Variants in ESR2 observed in about 807,000 individuals in gnomAD.
ESR2 encodes estrogen receptor beta.
ESR2 carries 36 observed loss-of-function variants against 49.6 expected under a neutral mutation model. The observed-to-expected ratio is 0.73, with a 90% CI of 0.56 to 0.96. The LOEUF (loss-of-function observed/expected upper bound fraction) is 0.96, where lower values mean the gene tolerates loss of function less well. Among genes scored for constraint, ESR2 ranks in the 40% least tolerant of loss-of-function variants. The pLI, the probability that ESR2 is intolerant of heterozygous loss-of-function variation, is 0.00. For missense variants in ESR2, 714 were observed against 693.0 expected (o/e 1.03, Z -0.34); for synonymous variants, 320 against 266.1 (o/e 1.20, Z -1.97).
At chr14:64,324,221 T>G (rs2077362641) in intron 1 of ESR2, among the ~76,000 whole-genome samples, 1 of 152,162 alleles carries the variant, frequency 6.6e-6, no homozygotes, top group African/African-American at 2.4e-5. Context: ...GTTATGTAAC[T>G]TACAAGAAGA....
chr14:64,263,869 G>C (rs1249438997), intron 4 of ESR2, among the ~76,000 whole-genome samples: 1 of 152,060 alleles, frequency 6.6e-6, no homozygotes, highest in Non-Finnish European at 1.5e-5. Flanking sequence ...TAGATATTTT[G>C]CAAAAATTAT....
intron 5 of ESR2, among the ~76,000 whole-genome samples, chr14:64,258,141 C>A (rs147654134): frequency 6.6e-6 from 1 of 151,888 alleles, no homozygotes; most frequent in African/African-American, 2.4e-5. Context: ...CCCAGGAGGT[C>A]GAGGCTGTAG....
At chr14:64,248,700 A>AG (rs2075920921) in intron 7 of ESR2, among the ~76,000 whole-genome samples, 2 of 152,126 alleles carry the variant, frequency 1.3e-5, no homozygotes, top group African/African-American at 4.8e-5. Flanking sequence ...TGCATATCCT[A>AG]GACACCTTAT....
chr14:64,300,939 G>A (rs1250810209), intron 1 of ESR2, among the ~76,000 whole-genome samples: 1 of 151,204 alleles, frequency 6.6e-6, no homozygotes, highest in East Asian at 1.9e-4. Flanking sequence ...CAGATGATGA[G>A]GAGGAGGCTA....
rs574784618 is a variant in ESR2, at chr14:64,318,077, C to T, written c.-91+19821G>A. 2.0e-5 allele frequency among the ~76,000 whole-genome samples: 3 copies of T among 152,216 alleles called. No homozygotes were observed. In the South Asian group the frequency reaches 6.2e-4, roughly 32 times the overall value. ...TGAAACTGTTTTTGTTCACAGATTA[C>T]ATGATTCTCTATGTAGAGAATCCCA... is the stretch of plus-strand genomic sequence containing the variant. On this transcript the variant is annotated intron_variant, in intron 1 of 8. Transcript: ENST00000358599.
intron 1 of ESR2, among the ~76,000 whole-genome samples, chr14:64,318,187 C>T (rs1255640304): frequency 1.3e-5 from 2 of 152,096 alleles, no homozygotes; most frequent in African/African-American, 4.8e-5. Context: ...AAGTCAATTG[C>T]TTTCCTAATA....
chr14:64,255,294 A>G (rs922015431), intron 6 of ESR2, among the ~76,000 whole-genome samples: 1 of 152,082 alleles, frequency 6.6e-6, no homozygotes, highest in Non-Finnish European at 1.5e-5. Flanking sequence ...ATATTTATAC[A>G]TATGTATATT....
At chr14:64,334,882 A>G (rs2140911347) in intron 1 of ESR2, among the ~76,000 whole-genome samples, 1 of 152,340 alleles carries the variant, frequency 6.6e-6, no homozygotes, top group East Asian at 1.9e-4. Flanking sequence ...TCCTGACCTC[A>G]GGTGATCCGC....
At chr14:64,293,630 A>C (rs1473797979) in intron 1 of ESR2, among the ~76,000 whole-genome samples, 1 of 152,236 alleles carries the variant, frequency 6.6e-6, no homozygotes, top group Non-Finnish European at 1.5e-5. Flanking sequence ...AGGAATGCCA[A>C]TTAATACATT....
chr14:64,267,228 AAT>A (rs1329116384), intron 4 of ESR2, among the ~76,000 whole-genome samples: 1 of 152,210 alleles, frequency 6.6e-6, no homozygotes, highest in East Asian at 1.9e-4. Flanking sequence ...TCCTATTCAT[AAT>A]ATGTTTGAGT....
chr14:64,242,818 A>G (rs2075764966), intron 7 of ESR2, among the ~76,000 whole-genome samples: 1 of 142,430 alleles, frequency 7.0e-6, no homozygotes, highest in African/African-American at 2.8e-5. Flanking sequence ...CTGCTGATAG[A>G]CATACCCAAG....
chr14:64,246,766 A>C (rs796866795), intron 7 of ESR2, among the ~76,000 whole-genome samples: 103 of 133,952 alleles, frequency 7.7e-4, no homozygotes, highest in South Asian at 6.6e-3. Context: ...AAAAAAAAAA[A>C]ACACACCTGG....
rs1048635741 is a variant in ESR2, at chr14:64,255,970, G to A, written c.1091+1256C>T. Among the ~76,000 whole-genome samples, 8 of 152,116 alleles carry A rather than the reference G, an allele frequency of 5.3e-5. No homozygotes were observed. The East Asian group carries it at 1.3e-3, about 26-fold the overall frequency. ...TCAACCATGACAAAAGGCAGAATGG[G>A]GACTGATACCTTGGGGCATCACTCT... On this transcript the variant is annotated intron_variant, in intron 6 of 8. Transcript: ENST00000341099.
Position 64,249,677 on chromosome 14 carries a change from T to A in ESR2, c.1094A>T (p.Asp365Val). The A allele has an allele frequency of 1.9e-6, 3 of 1,609,722 alleles. No individual in the cohort carries two copies. The highest frequency in any genetic ancestry group is 2.5e-6 in the Non-Finnish European group (3 of 1,177,748). ...IFAPDLVLDR[D>V]EGKCVEGILE... Reference sequence around the variant, plus strand: ...AATTCCTTCTACGCATTTCCCCTCATCCCTACAAAAGTTCGTTTGGAAATT... The same window carrying A: ...AATTCCTTCTACGCATTTCCCCTCAACCCTACAAAAGTTCGTTTGGAAATT... Residue 365 changes from aspartate (D) to valine (V), a missense_variant and splice_region_variant, in exon 7 of 9, where the codon GAT becomes GTT. Physicochemically the swap from Asp to Val is radical, Grantham distance 152. Coordinates refer to ENST00000341099, the MANE Select transcript of ESR2 (RefSeq NM_001437.3).
chr14:64,235,208 T>C (rs951093741), intron 7 of ESR2, 58 bp from the exon 8 acceptor site: 1 of 1,568,500 alleles, frequency 6.4e-7, no homozygotes, highest in Non-Finnish European at 8.7e-7. Context: ...AGAAGTCGTG[T>C]GCTCAGCTGT....
chr14:64,253,213 T>C (rs1313512053), intron 6 of ESR2, among the ~76,000 whole-genome samples: 1 of 151,912 alleles, frequency 6.6e-6, no homozygotes. Context: ...TTTTTTAAGA[T>C]GGAGTCTTGC....
At chr14:64,312,266 T>C (rs1330288596) in intron 1 of ESR2, among the ~76,000 whole-genome samples, 1 of 152,110 alleles carries the variant, frequency 6.6e-6, no homozygotes. Context: ...TAAAAAATGT[T>C]TCAGGAACAA....
rs1259518149 is a variant in ESR2 at position 64,231,698 on chromosome 14, AATATC to A, written c.*1434_*1438del. 1 of 152,246 alleles carries A rather than the reference AATATC, an allele frequency of 6.6e-6. No individual in the cohort carries two copies. Among genetic ancestry groups the A allele is most frequent in the Non-Finnish European group, 1.5e-5 (1 of 68,046 alleles). 9.4% of individuals were successfully genotyped at this position (152,246 alleles called of 1,614,324 possible). A position where few individuals can be genotyped will look rare whatever the true frequency, so the allele number is the denominator to read the frequency against. On this transcript the variant is annotated 3_prime_UTR_variant, in exon 9 of 9. Coordinates refer to ENST00000341099, the MANE Select transcript of ESR2 (RefSeq NM_001437.3). ...ATATTTTCAAAAAGAAAATATATTT[AATATC>A]ATATCACAAGGTAATTGTTTAAAAC... is the stretch of plus-strand genomic sequence containing the variant.
At chr14:64,322,932 A>G (rs1450959569) in intron 1 of ESR2, among the ~76,000 whole-genome samples, 1 of 152,216 alleles carries the variant, frequency 6.6e-6, no homozygotes, top group African/African-American at 2.4e-5. Context: ...CATGCATACT[A>G]TAGAATATTA....
Sources: allele counts gnomAD v4.1 joint callset (sites outside exome capture counted in the v4.1 genomes callset), GRCh38; gene constraint gnomAD v4.1.1; transcripts MANE v1.5; gene names NCBI Gene and HGNC (gene_info 2026-07-23, HGNC 2026-07-21).